The following TMEM236 variants were observed in gnomAD, a reference collection of about 807,000 sequenced individuals.
TMEM236 encodes the protein family with sequence similarity 23, member A.
TMEM236 carries 11 observed loss-of-function variants against 14.7 expected under a neutral mutation model. That is an observed-to-expected ratio of 0.75 (90% CI 0.47 to 1.24). The LOEUF (loss-of-function observed/expected upper bound fraction) is 1.24, where lower values mean the gene tolerates loss of function less well. TMEM236 is among the 50% of genes most tolerant of loss of function. The pLI is 0.00. For synonymous variants in TMEM236, 182 were observed against 168.6 expected (o/e 1.08, Z -0.62); for missense variants, 464 against 427.3 (o/e 1.09, Z -0.76).
At chr10:17,771,467 A>G in intron 2 of TMEM236, 86 bp downstream of exon 2, 3 of 1,336,336 alleles carry the variant, frequency 2.2e-6, no homozygotes, top group South Asian at 2.4e-5. Flanking sequence ...AGCGTGCTCA[A>G]CAAATTTCTT....
intron 2 of TMEM236, among the ~76,000 whole-genome samples, chr10:17,774,113 C>T (rs964334925): frequency 6.6e-6 from 1 of 152,108 alleles, no homozygotes; most frequent in Non-Finnish European, 1.5e-5. Context: ...GGTGCAATCT[C>T]TATTCACTGC....
chr10:17,786,031 G>T (rs1837831229), intron 3 of TMEM236, among the ~76,000 whole-genome samples: 1 of 152,048 alleles, frequency 6.6e-6, no homozygotes, highest in Non-Finnish European at 1.5e-5. Context: ...AGCTCCCTTT[G>T]ATCTTGACAG....
intron 3 of TMEM236, among the ~76,000 whole-genome samples, chr10:17,783,027 G>A (rs1484014615): frequency 1.3e-5 from 2 of 152,140 alleles, no homozygotes; most frequent in East Asian, 1.9e-4. Flanking sequence ...TGTAGTGCAG[G>A]TGGGCTGTGT....
At chr10:17,768,117 G>GT (rs1837504682) in intron 1 of TMEM236, among the ~76,000 whole-genome samples, 4 of 107,060 alleles carry the variant, frequency 3.7e-5, no homozygotes, top group African/African-American at 1.5e-4. Context: ...TTGTAGAGAC[G>GT]AGGATTTGCT....
At chr10:17,763,114 A>C (rs1409710700) in intron 1 of TMEM236, among the ~76,000 whole-genome samples, 1 of 152,192 alleles carries the variant, frequency 6.6e-6, no homozygotes, top group Non-Finnish European at 1.5e-5. Context: ...AAACCAATTT[A>C]TAACAAACCA....
In TMEM236 at chr10:17,797,465, G is replaced by C. The variant is rs918994832; in HGVS notation, c.*961G>C. The C allele has an allele frequency of 6.6e-6, 1 of 152,044 alleles. No individual in the cohort carries two copies. Among genetic ancestry groups the C allele is most frequent in the Admixed American group, 6.6e-5 (1 of 15,258 alleles). 9.4% of individuals were successfully genotyped at this position (152,044 alleles called of 1,614,324 possible). On this transcript the variant is annotated 3_prime_UTR_variant, in exon 4 of 4. Coordinates refer to ENST00000377495, the MANE Select transcript of TMEM236 (RefSeq NM_001098844.3). ...CCTGCCACCACGCTGGCTAATTTTTGTATTTTTAGTAGAGACGAGGTTTCA... is the reference window on the plus strand; with the variant it reads ...CCTGCCACCACGCTGGCTAATTTTTCTATTTTTAGTAGAGACGAGGTTTCA...
intron 1 of TMEM236, among the ~76,000 whole-genome samples, chr10:17,768,284 T>C (rs1837508206): frequency 6.6e-6 from 1 of 151,978 alleles, no homozygotes; most frequent in Admixed American, 6.6e-5. Context: ...CATATATTGT[T>C]ATGAGGTTAA....
intron 3 of TMEM236, among the ~76,000 whole-genome samples, chr10:17,782,253 A>T (rs1837763114): frequency 6.6e-6 from 1 of 152,206 alleles, no homozygotes; most frequent in Non-Finnish European, 1.5e-5. Flanking sequence ...TTTCCAAAAG[A>T]ACACATACTC....
chr10:17,755,443 C>A (rs921780580), intron 1 of TMEM236, among the ~76,000 whole-genome samples: 1 of 152,236 alleles, frequency 6.6e-6, no homozygotes, highest in South Asian at 2.1e-4. Context: ...CTTTAGGTAC[C>A]GATCCCAGAT....
intron 3 of TMEM236, among the ~76,000 whole-genome samples, chr10:17,786,213 G>A (rs1837835156): frequency 6.6e-6 from 1 of 152,182 alleles, no homozygotes; most frequent in East Asian, 1.9e-4. Flanking sequence ...AATTCAGCAT[G>A]TGTTACTTTA....
chr10:17,790,600 A>G (rs1837910476), intron 3 of TMEM236, among the ~76,000 whole-genome samples: 1 of 152,178 alleles, frequency 6.6e-6, no homozygotes, highest in South Asian at 2.1e-4. Context: ...CTTGAAGTGT[A>G]TTTTAATTTA....
At chr10:17,763,622 A>G (rs1554834165) in intron 1 of TMEM236, among the ~76,000 whole-genome samples, 1 of 152,128 alleles carries the variant, frequency 6.6e-6, no homozygotes, top group East Asian at 1.9e-4. Flanking sequence ...TAATCAGAGA[A>G]AGTCTCATAA....
At position 17,796,774 on chromosome 10, in the gene TMEM236, G is replaced by A. The variant is rs1285628353; in HGVS notation, c.*270G>A. ...AATTTTAGTTAGTTATGTATACTGA[G>A]GTCCCCAACCCCTGGACCATGGTCC... On this transcript the variant is annotated 3_prime_UTR_variant, in exon 4 of 4. Coordinates refer to ENST00000377495, the MANE Select transcript of TMEM236 (RefSeq NM_001098844.3). The A allele has an allele frequency of 1.1e-5, 5 of 441,158 alleles. No individual in the cohort carries two copies. The highest frequency in any genetic ancestry group is 2.1e-5 in the Non-Finnish European group (5 of 242,868). 27.3% of individuals were successfully genotyped at this position (441,158 alleles called of 1,614,324 possible).
At chr10:17,762,610 T>C (rs1323405674) in intron 1 of TMEM236, among the ~76,000 whole-genome samples, 22 of 78,924 alleles carry the variant, frequency 2.8e-4, no homozygotes, top group East Asian at 2.4e-3. Flanking sequence ...TATATATATA[T>C]ATATATATAC....
chr10:17,789,978 C>T (rs1305383552), intron 3 of TMEM236, among the ~76,000 whole-genome samples: 5 of 151,980 alleles, frequency 3.3e-5, no homozygotes, highest in African/African-American at 7.2e-5. Flanking sequence ...GATTCAAGAT[C>T]GCGCCATGGC....
In TMEM236 at chr10:17,796,476, T is replaced by C; in HGVS notation, c.1028T>C (p.Phe343Ser). 1 of 1,613,720 alleles carries C rather than the reference T, an allele frequency of 6.2e-7. No individual in the cohort carries two copies. The highest frequency in any genetic ancestry group is 8.5e-7 in the Non-Finnish European group (1 of 1,179,724). Residue 343 changes from phenylalanine (F) to serine (S), a missense_variant, in exon 4 of 4, where the codon TTT becomes TCT. Phe to Ser is a radical substitution (Grantham distance 155). Coordinates refer to ENST00000377495, the MANE Select transcript of TMEM236 (RefSeq NM_001098844.3). Reference protein sequence around the residue: ...YFNYLTRIRIFSAFEMSPF With the variant: ...YFNYLTRIRISSAFEMSPF ...AATTACCTAACCAGAATCAGGATTT[T>C]TTCTGCCTTTGAAATGTCTCCATTT...
intron 3 of TMEM236, among the ~76,000 whole-genome samples, chr10:17,792,494 C>T (rs1042242715): frequency 1.8e-4 from 28 of 152,140 alleles, no homozygotes; most frequent in Non-Finnish European, 3.4e-4. Flanking sequence ...CTTTGTTTTA[C>T]GTTAGGTGTT....
intron 1 of TMEM236, among the ~76,000 whole-genome samples, chr10:17,755,981 CA>C (rs1267122291): frequency 2.0e-4 from 30 of 152,296 alleles, no homozygotes; most frequent in African/African-American, 6.5e-4. Context: ...ACACGTACTT[CA>C]TAGGCCAGGC....
chr10:17,782,854 A>G (rs1837776370), intron 3 of TMEM236, among the ~76,000 whole-genome samples: 1 of 152,186 alleles, frequency 6.6e-6, no homozygotes. Flanking sequence ...CAGTTGTTGA[A>G]CAACTAGATT....
Sources: allele counts gnomAD v4.1 joint callset (sites outside exome capture counted in the v4.1 genomes callset), GRCh38; gene constraint gnomAD v4.1.1; transcripts MANE v1.5; gene names NCBI Gene and HGNC (gene_info 2026-07-23, HGNC 2026-07-21).